The following C22orf39 variants were observed in gnomAD, a reference collection of about 807,000 sequenced individuals.
C22orf39 encodes chromosome 22 open reading frame 39, also known as synaptic plasticity regulator PANTS.
Under a neutral mutation model 18.3 loss-of-function variants are expected in C22orf39, and 20 were observed. That is an observed-to-expected ratio of 1.09 (90% CI 0.77 to 1.59). The LOEUF is 1.59. C22orf39 is among the 40% of genes most tolerant of loss of function. The pLI, the probability that C22orf39 is intolerant of heterozygous loss-of-function variation, is 0.00. For synonymous variants in C22orf39, 63 were observed against 59.6 expected, an observed-to-expected ratio of 1.06 and a Z score of -0.26; for missense variants, 195 against 156.1, an observed-to-expected ratio of 1.25 and a Z score of -1.33.
chr22:19,447,650 A>G lies in C22orf39; in HGVS notation c.24+15T>C. 1 of 1,609,560 alleles carries G rather than the reference A, an allele frequency of 6.2e-7. No individual in the cohort carries two copies. Among genetic ancestry groups the G allele is most frequent in the Non-Finnish European group, 8.5e-7 (1 of 1,178,510 alleles). ...AAGACCCCGGTGGTTCCCGGCTCCG[A>G]CCCAGCACACTCACCTGCCAGCCGC... On this transcript the variant is annotated intron_variant, in intron 1 of 2. Transcript: ENST00000399562.
In C22orf39 at chr22:19,441,657, T is replaced by A; in HGVS notation, c.*2608A>T. The A allele has an allele frequency of 2.8e-6, 4 of 1,452,600 alleles. No homozygotes were observed. Among genetic ancestry groups the A allele is most frequent in the Non-Finnish European group, 3.8e-6 (4 of 1,059,088 alleles). 90.0% of individuals were successfully genotyped at this position (1,452,600 alleles called of 1,614,324 possible). A position where few individuals can be genotyped will look rare whatever the true frequency, so the allele number is the denominator to read the frequency against. ...GATTCTTCTGCCTCAGCCTCCCAAG[T>A]AGCTGAGATTACAGGTGTGAGCCAC... On this transcript the variant is annotated 3_prime_UTR_variant, in exon 3 of 3. Transcript: ENST00000399562.
rs754557817 is a variant in C22orf39 at position 19,443,332 on chromosome 22, A to G, written c.*933T>C. Reference sequence around the variant, plus strand: ...CAGGGCCACCATAGGATGAGAAACCATTCTATTAGTAATAAACAGACCTCT... The same window carrying G: ...CAGGGCCACCATAGGATGAGAAACCGTTCTATTAGTAATAAACAGACCTCT... On this transcript the variant is annotated 3_prime_UTR_variant, in exon 3 of 3. Transcript: ENST00000399562. 125 of 985,402 alleles carry G rather than the reference A, an allele frequency of 1.3e-4. No homozygotes were observed. The highest frequency in any genetic ancestry group is 1.5e-4 in the Non-Finnish European group (122 of 829,938). The allele number at this position is 985,402 out of a possible 1,614,324, so 61.0% of individuals were successfully genotyped here.
intron 2 of C22orf39, among the ~76,000 whole-genome samples, chr22:19,446,724 G>C (rs571796375): frequency 7.9e-5 from 12 of 151,846 alleles, no homozygotes; most frequent in Non-Finnish European, 1.8e-4. Flanking sequence ...TCCCCCCTGA[G>C]ACAGGTCTCC....
chr22:19,443,612 C>G lies in C22orf39; in HGVS notation c.*653G>C, dbSNP rs1036803164. ...GATTTCTTCAGCTGAGTCCACAAAC[C>G]CTCTTTATGCAAGGTTGTGTGTTCT... On this transcript the variant is annotated 3_prime_UTR_variant, in exon 3 of 3. Transcript: ENST00000399562. The G allele has an allele frequency of 2.0e-6, 2 of 985,150 alleles. No individual in the cohort carries two copies. The highest frequency in any genetic ancestry group is 3.5e-5 in the African/African-American group (2 of 57,076). 61.0% of individuals were successfully genotyped at this position (985,150 alleles called of 1,614,324 possible).
At position 19,444,408 on chromosome 22, in the gene C22orf39, T is replaced by C. The variant is rs1369980046; in HGVS notation, c.193-18A>G. 2 of 1,591,834 alleles carry C rather than the reference T, an allele frequency of 1.3e-6. No homozygotes were observed. Among genetic ancestry groups the C allele is most frequent in the Admixed American group, 1.7e-5 (1 of 57,980 alleles). Reference sequence around the variant, plus strand: ...AGGGATTGCTGTGCAAATGAGACTCTAGTCACTCCCCAGGCTCTGAGCACC... The same window carrying C: ...AGGGATTGCTGTGCAAATGAGACTCCAGTCACTCCCCAGGCTCTGAGCACC... On this transcript the variant is annotated intron_variant, in intron 2 of 2. Coordinates refer to ENST00000399562, the MANE Select transcript of C22orf39 (RefSeq NM_173793.5).
At chr22:19,445,566 AC>A (rs34478495) in intron 2 of C22orf39, among the ~76,000 whole-genome samples, 15 of 152,146 alleles carry the variant, frequency 9.9e-5, no homozygotes, top group Admixed American at 6.5e-4. Context: ...AACACCTGAC[AC>A]CCCCACCAAC....
rs773520566 is a variant in C22orf39 at position 19,447,651 on chromosome 22, C to G, written c.24+14G>C. ...AGACCCCGGTGGTTCCCGGCTCCGA[C>G]CCAGCACACTCACCTGCCAGCCGCT... On this transcript the variant is annotated intron_variant, in intron 1 of 2. Coordinates refer to ENST00000399562, the MANE Select transcript of C22orf39 (RefSeq NM_173793.5). 8 of 1,610,172 alleles carry G rather than the reference C, an allele frequency of 5.0e-6. No individual in the cohort carries two copies. Among genetic ancestry groups the G allele is most frequent in the Non-Finnish European group, 6.8e-6 (8 of 1,178,688 alleles).
In C22orf39 at chr22:19,447,477, G is replaced by C. The variant is rs553030924; in HGVS notation, c.93C>G (p.His31Gln). The C allele has an allele frequency of 5.8e-5, 88 of 1,512,122 alleles. No homozygotes were observed. The highest frequency in any genetic ancestry group is 7.2e-5 in the Non-Finnish European group (82 of 1,139,054). The allele number at this position is 1,512,122 out of a possible 1,614,324, so 93.7% of individuals were successfully genotyped here. The change falls in exon 2 of 3, where the codon CAC becomes CAG. Residue 31 changes from histidine to glutamine, a missense_variant. Physicochemically the swap from His to Gln is conservative, Grantham distance 24. Transcript: ENST00000399562. ...KLCRSARHFL[H>Q]HYYVHGERPA... is the part of the protein sequence containing the mutation. Reference sequence around the variant, plus strand: ...GCCGCTCGCCGTGGACGTAGTAGTGGTGTAGGAAGTGCCTGGCGCTGCGGC... The same window carrying C: ...GCCGCTCGCCGTGGACGTAGTAGTGCTGTAGGAAGTGCCTGGCGCTGCGGC...
rs1198617183 is a variant in C22orf39, at chr22:19,444,072, G to A, written c.*193C>T. 28 of 1,318,086 alleles carry A rather than the reference G, an allele frequency of 2.1e-5. No homozygotes were observed. The Admixed American group carries it at 5.4e-4, about 25-fold the overall frequency. The allele number at this position is 1,318,086 out of a possible 1,614,324, so 81.6% of individuals were successfully genotyped here. A position where few individuals can be genotyped will look rare whatever the true frequency, so the allele number is the denominator to read the frequency against. ...CGGTGCAATTGTCCTGCAGAACATC[G>A]CAGTGTCAGGGTATCCTGCATGCAG... On this transcript the variant is annotated 3_prime_UTR_variant, in exon 3 of 3. Transcript: ENST00000399562.
Position 19,443,073 on chromosome 22 carries a change from A to T in C22orf39, c.*1192T>A. ...ATGCTCCTGCTCTTGGGATCCCGTG[A>T]GCACAACCCCCACCCCCACCCCCAC... On this transcript the variant is annotated 3_prime_UTR_variant, in exon 3 of 3. Coordinates refer to ENST00000399562, the MANE Select transcript of C22orf39 (RefSeq NM_173793.5). 11 of 784,808 alleles carry T rather than the reference A, an allele frequency of 1.4e-5. No individual in the cohort carries two copies. Among genetic ancestry groups the T allele is most frequent in the South Asian group, 5.8e-5 (1 of 17,242 alleles). 48.6% of individuals were successfully genotyped at this position (784,808 alleles called of 1,614,324 possible). A position where few individuals can be genotyped will look rare whatever the true frequency, so the allele number is the denominator to read the frequency against.
chr22:19,443,039 C>T lies in C22orf39; in HGVS notation c.*1226G>A, dbSNP rs2089621621. On this transcript the variant is annotated 3_prime_UTR_variant, in exon 3 of 3. Coordinates refer to ENST00000399562, the MANE Select transcript of C22orf39 (RefSeq NM_173793.5). Reference sequence around the variant, plus strand: ...CCCTGATGATGGGGGAACGCTGGCTCCTCTTTAGATGCTCCTGCTCTTGGG... The same window carrying T: ...CCCTGATGATGGGGGAACGCTGGCTTCTCTTTAGATGCTCCTGCTCTTGGG... The T allele has an allele frequency of 1.3e-6, 1 of 752,232 alleles. No homozygotes were observed. The highest frequency in any genetic ancestry group is 1.6e-6 in the Non-Finnish European group (1 of 617,584). 46.6% of individuals were successfully genotyped at this position (752,232 alleles called of 1,614,324 possible). A position where few individuals can be genotyped will look rare whatever the true frequency, so the allele number is the denominator to read the frequency against.
At chr22:19,444,489 G>T in intron 2 of C22orf39, 99 bp from the exon 3 acceptor site, 2 of 1,341,132 alleles carry the variant, frequency 1.5e-6, no homozygotes, top group Non-Finnish European at 1.0e-6. Flanking sequence ...AGATGGACAG[G>T]CAGGGCCTAT....
At position 19,443,155 on chromosome 22, in the gene C22orf39, A is replaced by C; in HGVS notation, c.*1110T>G. On this transcript the variant is annotated 3_prime_UTR_variant, in exon 3 of 3. Transcript: ENST00000399562. ...CAGGAGAAAACACACTCAAGCAGGG[A>C]AATACTGTTCTTTAATGGACACCCT... 5.1e-6 allele frequency: 5 copies of C among 982,050 alleles called. No individual in the cohort carries two copies. Among genetic ancestry groups the C allele is most frequent in the South Asian group, 4.7e-5 (1 of 21,186 alleles). 60.8% of individuals were successfully genotyped at this position (982,050 alleles called of 1,614,324 possible).
At chr22:19,445,052 C>T (rs1362513755) in intron 2 of C22orf39, among the ~76,000 whole-genome samples, 1 of 152,224 alleles carries the variant, frequency 6.6e-6, no homozygotes, top group African/African-American at 2.4e-5. Flanking sequence ...CTTAATCTGT[C>T]TACATGTCTG....
chr22:19,444,312 G>A lies in C22orf39; in HGVS notation c.271C>T (p.Pro91Ser), dbSNP rs1397118411. ...HILVWAPRQS[P>S]PPDWHLPLPQ... ...AGAGGGAGATGCCAGTCTGGAGGGG[G>A]GCTCTGCCTCGGGGCCCACACCAGG... The change falls in exon 3 of 3, where the codon CCC (proline) becomes TCC (serine). Residue 91 changes from proline to serine, a missense_variant. Coordinates refer to ENST00000399562, the MANE Select transcript of C22orf39 (RefSeq NM_173793.5). 1 of 1,601,446 alleles carries A rather than the reference G, an allele frequency of 6.2e-7. No individual in the cohort carries two copies. The highest frequency in any genetic ancestry group is 1.7e-5 in the Admixed American group (1 of 57,522).
chr22:19,443,178 C>G lies in C22orf39; in HGVS notation c.*1087G>C. ...GGAAATACTGTTCTTTAATGGACAC[C>G]CTTCTAACGTGATAGATTATTCTGC... On this transcript the variant is annotated 3_prime_UTR_variant, in exon 3 of 3. Coordinates refer to ENST00000399562, the MANE Select transcript of C22orf39 (RefSeq NM_173793.5). 2.0e-6 allele frequency: 2 copies of G among 984,942 alleles called. No homozygotes were observed. The highest frequency in any genetic ancestry group is 2.4e-6 in the Non-Finnish European group (2 of 829,874). The allele number at this position is 984,942 out of a possible 1,614,324, so 61.0% of individuals were successfully genotyped here. A position where few individuals can be genotyped will look rare whatever the true frequency, so the allele number is the denominator to read the frequency against.
rs1040288707 is a variant in C22orf39, at chr22:19,442,443, G to T, written c.*1822C>A. ...GCAGGGAGCGTGGCTGCACTGAGGG[G>T]AAGCCCCTCATGGACTGGGGTGCTG... On this transcript the variant is annotated 3_prime_UTR_variant, in exon 3 of 3. Transcript: ENST00000399562. The T allele has an allele frequency of 6.6e-6, 1 of 152,360 alleles. No individual in the cohort carries two copies. Among genetic ancestry groups the T allele is most frequent in the Non-Finnish European group, 1.5e-5 (1 of 68,140 alleles). 9.4% of individuals were successfully genotyped at this position (152,360 alleles called of 1,614,324 possible). A position where few individuals can be genotyped will look rare whatever the true frequency, so the allele number is the denominator to read the frequency against.
rs2089624757 is a variant in C22orf39 at position 19,443,556 on chromosome 22, G to T, written c.*709C>A. On this transcript the variant is annotated 3_prime_UTR_variant, in exon 3 of 3. Transcript: ENST00000399562. ...ACCACCAGGGGAAATTTTGAGGGAAGGAGTGCTTAATTCCATATGTCTTGG... is the reference window on the plus strand; with the variant it reads ...ACCACCAGGGGAAATTTTGAGGGAATGAGTGCTTAATTCCATATGTCTTGG... 7 of 985,716 alleles carry T rather than the reference G, an allele frequency of 7.1e-6. 1 individual carries two copies. The African/African-American group carries it at 1.0e-4, about 15-fold the overall frequency. 61.1% of individuals were successfully genotyped at this position (985,716 alleles called of 1,614,324 possible).
intron 2 of C22orf39, among the ~76,000 whole-genome samples, chr22:19,445,881 C>T (rs1341949772): frequency 1.3e-5 from 2 of 152,138 alleles, no homozygotes; most frequent in Non-Finnish European, 1.5e-5. Context: ...CGCCATGTTG[C>T]CAGGCTGGTC....
Sources: allele counts gnomAD v4.1 joint callset (sites outside exome capture counted in the v4.1 genomes callset), GRCh38; gene constraint gnomAD v4.1.1; transcripts MANE v1.5; gene names NCBI Gene and HGNC (gene_info 2026-07-23, HGNC 2026-07-21).